Variants in GPM6A observed in about 807,000 individuals in gnomAD.
GPM6A encodes the protein neuronal membrane glycoprotein M6-a.
In GPM6A, 7 loss-of-function variants were observed where a neutral mutation model predicts 32.1. That is an observed-to-expected ratio of 0.22 (90% confidence interval 0.12 to 0.41). GPM6A has a LOEUF of 0.41. Among genes scored for constraint, GPM6A ranks in the 10% least tolerant of loss-of-function variants. GPM6A has a pLI of 1.00. For missense variants in GPM6A, 235 were observed against 347.2 expected, an observed-to-expected ratio of 0.68 and a Z score of 2.57; for synonymous variants, 130 against 123.4, an observed-to-expected ratio of 1.05 and a Z score of -0.35.
chr4:175,900,842 T>C (rs1196462205), intron 1 of GPM6A, among the ~76,000 whole-genome samples: 1 of 152,166 alleles, frequency 6.6e-6, no homozygotes, highest in Non-Finnish European at 1.5e-5. Context: ...TGAAGCACTG[T>C]TTACAATAGC....
upstream of GPM6A, among the ~76,000 whole-genome samples, chr4:175,815,042 G>A (rs541197727): frequency 4.6e-5 from 7 of 151,776 alleles, no homozygotes; most frequent in Middle Eastern, 3.4e-3. Flanking sequence ...ATGGAGTCTC[G>A]TTCTTTTGCC....
intron 1 of GPM6A, among the ~76,000 whole-genome samples, chr4:175,752,735 T>G (rs1359055957): frequency 6.6e-6 from 1 of 152,164 alleles, no homozygotes; most frequent in Non-Finnish European, 1.5e-5. Flanking sequence ...CAAAGACCTC[T>G]TCCTGCCTTT....
rs79005207 is a variant in GPM6A at position 175,666,329 on chromosome 4, G to A, written c.387+7351C>T. ...TCAAAATACTTAGTTTCCCCATAAA[G>A]CAACCTTAAAATATAAACTATAGTA... On this transcript the variant is annotated intron_variant, in intron 3 of 6. Coordinates refer to ENST00000393658, the MANE Select transcript of GPM6A (RefSeq NM_201591.3). Among the ~76,000 whole-genome samples, 1,044 of 152,144 alleles carry A rather than the reference G, an allele frequency of 6.9e-3. 41 individuals carry two copies. The East Asian group carries it at 0.091, about 13-fold the overall frequency.
intron 1 of GPM6A, among the ~76,000 whole-genome samples, chr4:175,875,784 G>A (rs576886048): frequency 6.6e-6 from 1 of 152,006 alleles, no homozygotes; most frequent in East Asian, 1.9e-4. Context: ...TCCTTCCTTG[G>A]TCCCTTAAAT....
chr4:175,775,870 C>G (rs1361577284), intron 1 of GPM6A, among the ~76,000 whole-genome samples: 3 of 152,026 alleles, frequency 2.0e-5, no homozygotes, highest in African/African-American at 4.8e-5. Flanking sequence ...AAGTTATAAT[C>G]TATAAATCAG....
chr4:175,689,497 G>T (rs1409508910), intron 2 of GPM6A, among the ~76,000 whole-genome samples: 2 of 150,990 alleles, frequency 1.3e-5, no homozygotes, highest in Non-Finnish European at 2.9e-5. Context: ...AGAAATATAA[G>T]TTCAACCCTC....
At chr4:175,668,519 A>ATGTGTGTGTGTGTG (rs56106172) in intron 3 of GPM6A, among the ~76,000 whole-genome samples, 5,998 of 139,316 alleles carry the variant, frequency 0.043, 207 homozygotes, top group South Asian at 0.11. Context: ...TCAAACGTTT[A>ATGTGTGTGTGTGTG]TGTGTGTGTG....
At chr4:175,817,915 A>G (rs1735158733) in intron 1 of GPM6A, among the ~76,000 whole-genome samples, 1 of 152,206 alleles carries the variant, frequency 6.6e-6, no homozygotes, top group Non-Finnish European at 1.5e-5. Flanking sequence ...CCTAAGACCT[A>G]GCTTGTACTC....
At chr4:175,925,925 C>T (rs1212441085) in intron 1 of GPM6A, among the ~76,000 whole-genome samples, 1 of 149,206 alleles carries the variant, frequency 6.7e-6, no homozygotes, top group Admixed American at 6.8e-5. Flanking sequence ...GAGGTCAGCT[C>T]ACTGTAACCT....
intron 1 of GPM6A, among the ~76,000 whole-genome samples, chr4:175,927,526 T>C (rs1266868616): frequency 6.6e-6 from 1 of 152,236 alleles, no homozygotes; most frequent in Non-Finnish European, 1.5e-5. Flanking sequence ...TCATGCTTTA[T>C]CCCAAACTGT....
chr4:175,911,144 G>C (rs1474889439), intron 1 of GPM6A, among the ~76,000 whole-genome samples: 1 of 152,170 alleles, frequency 6.6e-6, no homozygotes, highest in East Asian at 1.9e-4. Context: ...TTAGACACCA[G>C]TCTATCCAGC....
intron 4 of GPM6A, among the ~76,000 whole-genome samples, chr4:175,643,084 T>C (rs1412899207): frequency 6.6e-6 from 1 of 152,096 alleles, no homozygotes; most frequent in Non-Finnish European, 1.5e-5. Context: ...ATGTTCAAAA[T>C]ACATCCATAA....
In GPM6A at chr4:175,830,462, C is replaced by T. The variant is rs539691047; in HGVS notation, c.-22-18213G>A. Among the ~76,000 whole-genome samples, 30 of 152,118 alleles carry T rather than the reference C, an allele frequency of 2.0e-4. 1 individual carries two copies. Among genetic ancestry groups the T allele is most frequent in the Admixed American group, 1.2e-3 (18 of 15,270 alleles). On this transcript the variant is annotated intron_variant, in intron 1 of 7. Transcript: ENST00000280187. ...GCTTATATAAGCCCTTTTTATGCAC[C>T]GGACACTGTTCTTCACACATATATC... is the stretch of plus-strand genomic sequence containing the variant.
Position 175,715,131 on chromosome 4 carries a change from T to A in GPM6A, c.38-13364A>T, listed in dbSNP as rs183880478. Among the ~76,000 whole-genome samples the A allele has an allele frequency of 3.9e-5, 6 of 152,230 alleles. No individual in the cohort carries two copies. The East Asian group carries it at 1.2e-3, about 29-fold the overall frequency. ...TCTGTAATAAATGGACTAATTAACA[T>A]AAATGTTCCTCCCCTAAATGTCCAC... On this transcript the variant is annotated intron_variant, in intron 1 of 6. Coordinates refer to ENST00000393658, the MANE Select transcript of GPM6A (RefSeq NM_201591.3).
chr4:175,836,536 C>T (rs949058450), intron 1 of GPM6A, among the ~76,000 whole-genome samples: 2 of 151,984 alleles, frequency 1.3e-5, no homozygotes, highest in African/African-American at 4.8e-5. Flanking sequence ...ATAAAATTTA[C>T]AGAAGTAGGG....
intron 1 of GPM6A, among the ~76,000 whole-genome samples, chr4:175,979,013 T>C (rs2126438729): frequency 6.6e-6 from 1 of 152,080 alleles, no homozygotes; most frequent in African/African-American, 2.4e-5. Flanking sequence ...TGCTTTAAAA[T>C]TCCAATAAAT....
intron 1 of GPM6A, among the ~76,000 whole-genome samples, chr4:175,983,651 C>T (rs1345012561): frequency 6.6e-6 from 1 of 152,068 alleles, no homozygotes; most frequent in Non-Finnish European, 1.5e-5. Flanking sequence ...GCCCACTTGG[C>T]CTATACATGT....
chr4:175,870,197 C>T (rs918888763), intron 1 of GPM6A, among the ~76,000 whole-genome samples: 3 of 152,198 alleles, frequency 2.0e-5, no homozygotes, highest in Non-Finnish European at 2.9e-5. Flanking sequence ...AGCCAGAATA[C>T]AGCATCTAAA....
rs1395697157 is a variant in GPM6A at position 175,667,961 on chromosome 4, A to C, written c.387+5719T>G. ...TTCAGTCACAACTTATGGTGATCTG[A>C]GAAGCATCCACATGTTGCAAACTTT... On this transcript the variant is annotated intron_variant, in intron 3 of 6. Coordinates refer to ENST00000393658, the MANE Select transcript of GPM6A (RefSeq NM_201591.3). Among the ~76,000 whole-genome samples the C allele has an allele frequency of 2.6e-5, 4 of 152,156 alleles. No homozygotes were observed. In the East Asian group the frequency reaches 7.7e-4, roughly 29 times the overall value.
Sources: allele counts gnomAD v4.1 joint callset (sites outside exome capture counted in the v4.1 genomes callset), GRCh38; gene constraint gnomAD v4.1.1; transcripts MANE v1.5; gene names NCBI Gene and HGNC (gene_info 2026-07-23, HGNC 2026-07-21).